Variants in VAC14 observed in about 807,000 individuals in gnomAD.
VAC14 encodes the protein protein VAC14 homolog.
In VAC14, 47 loss-of-function variants were observed where a neutral mutation model predicts 85.3. The observed-to-expected ratio is 0.55, with a 90% CI of 0.44 to 0.70. The LOEUF (loss-of-function observed/expected upper bound fraction) is 0.70, where lower values mean the gene tolerates loss of function less well. Among genes scored for constraint, VAC14 ranks in the 30% least tolerant of loss-of-function variants. VAC14 has a pLI of 0.00. For synonymous variants in VAC14, 447 were observed against 430.5 expected (o/e 1.04, Z -0.47); for missense variants, 861 against 1,004.3 (o/e 0.86, Z 1.93).
chr16:70,701,521 A>G (rs1373342841), intron 14 of VAC14, among the ~76,000 whole-genome samples: 1 of 151,692 alleles, frequency 6.6e-6, no homozygotes, highest in African/African-American at 2.4e-5. Context: ...CTACACGGCC[A>G]CCCTGCCCCA....
At chr16:70,788,697 T>C (rs1164307351) in intron 1 of VAC14, among the ~76,000 whole-genome samples, 2 of 152,182 alleles carry the variant, frequency 1.3e-5, no homozygotes, top group African/African-American at 4.8e-5. Flanking sequence ...AGCTGGAGCA[T>C]TGGTGGTTCA....
chr16:70,756,986 G>A (rs1293218807), intron 12 of VAC14, among the ~76,000 whole-genome samples: 1 of 151,764 alleles, frequency 6.6e-6, no homozygotes, highest in East Asian at 1.9e-4. Flanking sequence ...CCAGAAAGGT[G>A]GTTCTCATTT....
intron 12 of VAC14, among the ~76,000 whole-genome samples, chr16:70,750,592 G>A (rs1479733634): frequency 1.3e-5 from 2 of 152,136 alleles, no homozygotes; most frequent in Admixed American, 6.5e-5. Context: ...CTCAGGGCGA[G>A]GGGAGAGGGC....
In VAC14 at chr16:70,762,746, A is replaced by C; in HGVS notation, c.1305+135T>G. On this transcript the variant is annotated intron_variant, in intron 11 of 18. Transcript: ENST00000261776. The surrounding 1 kb of genome is among the most constrained non-coding windows in gnomAD (Gnocchi z 4.1). ...CCCCGACACAATGAGGGCTCCTCGC[A>C]GCACCTGTCACTTCTCTGCCGGCCA... is the stretch of plus-strand genomic sequence containing the variant. 6.6e-7 allele frequency: 1 copy of C among 1,508,954 alleles called. No individual in the cohort carries two copies. 93.5% of individuals were successfully genotyped at this position (1,508,954 alleles called of 1,614,324 possible). A position where few individuals can be genotyped will look rare whatever the true frequency, so the allele number is the denominator to read the frequency against.
At chr16:70,781,452 A>G (rs542333386) in intron 8 of VAC14, among the ~76,000 whole-genome samples, 1 of 152,300 alleles carries the variant, frequency 6.6e-6, no homozygotes, top group East Asian at 1.9e-4. Flanking sequence ...CAGTCGTCTC[A>G]GGGCTACGTT....
At position 70,745,518 on chromosome 16, in the gene VAC14, T is replaced by TGTGTGCGC. The variant is rs374204849; in HGVS notation, c.1372-940_1372-939insGCGCACAC. ...GTGTGTGTGTGTGTGTGTGTGTGTG[T>TGTGTGCGC]GCGCGTGTGCGCGCGTGTGCCTGTG... On this transcript the variant is annotated intron_variant, in intron 12 of 18. Coordinates refer to ENST00000261776, the MANE Select transcript of VAC14 (RefSeq NM_018052.5). 7.8e-5 allele frequency among the ~76,000 whole-genome samples: 11 copies of TGTGTGCGC among 141,020 alleles called. 1 individual carries two copies. Among genetic ancestry groups the TGTGTGCGC allele is most frequent in the African/African-American group, 2.8e-4 (9 of 32,612 alleles). 92.5% of individuals were successfully genotyped at this position (141,020 alleles called of 152,430 possible). A position where few individuals can be genotyped will look rare whatever the true frequency, so the allele number is the denominator to read the frequency against.
intron 14 of VAC14, among the ~76,000 whole-genome samples, chr16:70,712,300 C>A (rs533229626): frequency 1.3e-5 from 2 of 152,178 alleles, no homozygotes; most frequent in Non-Finnish European, 2.9e-5. Context: ...ACAGGCGAGG[C>A]GCCCTATAGC....
chr16:70,694,362 C>A (rs1020582275), intron 17 of VAC14, among the ~76,000 whole-genome samples: 1 of 152,172 alleles, frequency 6.6e-6, no homozygotes. Context: ...GGGAGGCCCT[C>A]GGGGAAGTGT....
intron 4 of VAC14, 73 bp downstream of exon 4, chr16:70,784,703 A>G: frequency 7.2e-7 from 1 of 1,390,908 alleles, no homozygotes; most frequent in African/African-American, 1.4e-5. Flanking sequence ...TCCCAATGAC[A>G]GAATTTCTAA....
At chr16:70,775,352 C>T (rs1165550815) in intron 9 of VAC14, among the ~76,000 whole-genome samples, 1 of 152,216 alleles carries the variant, frequency 6.6e-6, no homozygotes, top group Admixed American at 6.5e-5. Context: ...AGGCAAGTCT[C>T]TTGTGCTGGC....
At chr16:70,790,065 CA>C (rs926685361) in intron 1 of VAC14, among the ~76,000 whole-genome samples, 2 of 152,186 alleles carry the variant, frequency 1.3e-5, no homozygotes, top group African/African-American at 4.8e-5. Context: ...TCCCTGCCCC[CA>C]AGGAGCTCTC....
chr16:70,719,578 G>A (rs893469776), intron 14 of VAC14, among the ~76,000 whole-genome samples: 6 of 152,096 alleles, frequency 3.9e-5, no homozygotes, highest in African/African-American at 7.2e-5. Context: ...GAACAGACTC[G>A]TCACAAAAGA....
chr16:70,785,984 G>C, intron 2 of VAC14, 115 bp from the exon 3 acceptor site: 2 of 1,368,172 alleles, frequency 1.5e-6, no homozygotes, highest in Non-Finnish European at 2.0e-6. Context: ...CTTTGTGTGA[G>C]GGCTGGGCTC....
intron 1 of VAC14, among the ~76,000 whole-genome samples, chr16:70,786,759 C>T (rs2034080517): frequency 6.6e-6 from 1 of 152,336 alleles, no homozygotes; most frequent in African/African-American, 2.4e-5. Flanking sequence ...AGGGACGTTG[C>T]TGGGACACAT....
In VAC14 at chr16:70,800,808, C is replaced by A; in HGVS notation, c.93G>T (p.Leu31=). 6.2e-7 allele frequency: 1 copy of A among 1,609,970 alleles called. No individual in the cohort carries two copies. Residue 31 remains leucine (L), a synonymous_variant, in exon 1 of 19, where the codon CTG becomes CTT. Coordinates refer to ENST00000261776, the MANE Select transcript of VAC14 (RefSeq NM_018052.5). ...CTGGCGGCTCTTACTTCTCGATCTC[C>A]AGCGCTGCCACCTTCCGCTTTTCGT... ...KLYEKRKVAA[L]EIEKLVREFV... is the part of the protein sequence containing the mutation.
chr16:70,793,301 T>C (rs533752624), intron 1 of VAC14, among the ~76,000 whole-genome samples: 1 of 152,212 alleles, frequency 6.6e-6, no homozygotes, highest in Non-Finnish European at 1.5e-5. Flanking sequence ...TACTTACTAT[T>C]TGCCAGGCAA....
At chr16:70,760,403 A>C (rs1173642876) in intron 12 of VAC14, among the ~76,000 whole-genome samples, 1 of 152,180 alleles carries the variant, frequency 6.6e-6, no homozygotes, top group African/African-American at 2.4e-5. Flanking sequence ...AGGCTCACCA[A>C]AGATTAAGCA....
intron 1 of VAC14, among the ~76,000 whole-genome samples, chr16:70,788,082 G>A (rs2034152840): frequency 6.6e-6 from 1 of 152,238 alleles, no homozygotes; most frequent in African/African-American, 2.4e-5. Flanking sequence ...TTCCACAAAT[G>A]GGGTCTCAAG....
intron 14 of VAC14, among the ~76,000 whole-genome samples, chr16:70,704,095 G>T (rs2053878338): frequency 1.3e-5 from 2 of 152,242 alleles, no homozygotes; most frequent in Non-Finnish European, 2.9e-5. Flanking sequence ...ACAGCCGCAG[G>T]CCTCTGTGGG....
Sources: allele counts gnomAD v4.1 joint callset (sites outside exome capture counted in the v4.1 genomes callset), GRCh38; gene constraint gnomAD v4.1.1; non-coding constraint Gnocchi (gnomAD v3.1); transcripts MANE v1.5; gene names NCBI Gene and HGNC (gene_info 2026-07-23, HGNC 2026-07-21).